The following PRDM16 variants were observed in gnomAD, a reference collection of about 807,000 sequenced individuals.
PRDM16 encodes the protein PR/SET domain 16.
Under a neutral mutation model 110.6 loss-of-function variants are expected in PRDM16, and 23 were observed. The observed-to-expected ratio is 0.21, with a 90% CI of 0.15 to 0.29. The LOEUF is 0.29. PRDM16 is among the 10% of genes least tolerant of loss of function. The pLI is 1.00. For missense variants in PRDM16, 1,615 were observed against 1,794.3 expected (o/e 0.90, Z 1.81); for synonymous variants, 799 against 781.8 (o/e 1.02, Z -0.37).
chr1:3,291,769 T>C (rs1006043193), intron 3 of PRDM16, among the ~76,000 whole-genome samples: 30 of 152,242 alleles, frequency 2.0e-4, no homozygotes, highest in Non-Finnish European at 3.2e-4. Flanking sequence ...GGGGGTTCTG[T>C]GTAAATGCCC....
intron 1 of PRDM16, among the ~76,000 whole-genome samples, chr1:3,145,544 C>A (rs1338700969): frequency 2.0e-5 from 3 of 152,176 alleles, no homozygotes; most frequent in African/African-American, 7.2e-5. Context: ...AGTCCCCTGA[C>A]CCAGCTGCAT....
chr1:3,186,665 C>G lies in PRDM16; in HGVS notation c.387+191C>G, dbSNP rs544330129. The G allele has an allele frequency of 1.1e-5, 6 of 528,414 alleles. No individual in the cohort carries two copies. In the South Asian group the frequency reaches 1.2e-4, roughly 11 times the overall value. 32.7% of individuals were successfully genotyped at this position (528,414 alleles called of 1,614,324 possible). A position where few individuals can be genotyped will look rare whatever the true frequency, so the allele number is the denominator to read the frequency against. ...CGACTCAGAAAGCATCAGAGGTCCT[C>G]GTGGGTGCCTGTCAGCCCTGTAGGC... On this transcript the variant is annotated intron_variant, in intron 2 of 16. Transcript: ENST00000270722.
rs1012869492 is a variant in PRDM16 at position 3,370,582 on chromosome 1, G to T, written c.439-14570G>T. Among the ~76,000 whole-genome samples the T allele has an allele frequency of 2.0e-5, 3 of 152,182 alleles. No individual in the cohort carries two copies. The highest frequency in any genetic ancestry group is 4.8e-5 in the African/African-American group (2 of 41,440). ...TGCGACGTGATAGCCATGGCCCAGTGCAGTGTCCATGCTAAGAAGGGCAGG... is the reference window on the plus strand; with the variant it reads ...TGCGACGTGATAGCCATGGCCCAGTTCAGTGTCCATGCTAAGAAGGGCAGG... On this transcript the variant is annotated intron_variant, in intron 3 of 16. Transcript: ENST00000270722. This position sits in a 1 kb window ranked among gnomAD's most constrained non-coding sequence, Gnocchi z 4.8.
chr1:3,166,870 T>G (rs1643963082), intron 1 of PRDM16, among the ~76,000 whole-genome samples: 1 of 152,168 alleles, frequency 6.6e-6, no homozygotes, highest in East Asian at 1.9e-4. Flanking sequence ...CCTGGTTCAA[T>G]TGCTCTGTCC....
Position 3,394,782 on chromosome 1 carries a change from C to T in PRDM16, c.574-1709C>T, listed in dbSNP as rs554890183. 3.3e-5 allele frequency among the ~76,000 whole-genome samples: 5 copies of T among 152,120 alleles called. No homozygotes were observed. In the South Asian group the frequency reaches 1.0e-3, roughly 32 times the overall value. ...CGCTTCTCATCCCGCACTTTGGGCC[C>T]GATTTTCTAATACAGTGGCTCAAGT... On this transcript the variant is annotated intron_variant, in intron 4 of 16. Transcript: ENST00000270722.
intron 3 of PRDM16, among the ~76,000 whole-genome samples, chr1:3,323,105 G>T (rs1033109220): frequency 2.0e-5 from 3 of 152,220 alleles, no homozygotes; most frequent in Non-Finnish European, 4.4e-5. Flanking sequence ...TGTACTGTGT[G>T]CACTTGGTGC....
intron 2 of PRDM16, among the ~76,000 whole-genome samples, chr1:3,217,538 G>A (rs1639057547): frequency 6.6e-6 from 1 of 152,322 alleles, no homozygotes; most frequent in South Asian, 2.1e-4. Context: ...GAGTGCCTGG[G>A]AGCATAAACT....
Position 3,433,571 on chromosome 1 carries a change from GGGATGGCCCGCCCTGCCCACGCGCTCAC to G in PRDM16, c.3697-105_3697-78del, listed in dbSNP as rs1235445741. 7 of 425,252 alleles carry G rather than the reference GGGATGGCCCGCCCTGCCCACGCGCTCAC, an allele frequency of 1.6e-5. No homozygotes were observed. The East Asian group carries it at 2.9e-4, about 17-fold the overall frequency. The allele number at this position is 425,252 out of a possible 1,614,324, so 26.3% of individuals were successfully genotyped here. A position where few individuals can be genotyped will look rare whatever the true frequency, so the allele number is the denominator to read the frequency against. On this transcript the variant is annotated intron_variant, in intron 16 of 16. Coordinates refer to ENST00000270722, the MANE Select transcript of PRDM16 (RefSeq NM_022114.4). The stretch of plus-strand genomic sequence containing the variant: ...TGCCCACGCGCTCACCTGCCTGTCT[GGGATGGCCCGCCCTGCCCACGCGCTCAC>G]CTGCCTGTCTGGGATGGCCCGCCCT...
chr1:3,075,204 T>G (rs919939142), intron 1 of PRDM16, among the ~76,000 whole-genome samples: 4 of 152,290 alleles, frequency 2.6e-5, no homozygotes, highest in Admixed American at 2.0e-4. Flanking sequence ...GTTAACATTT[T>G]GGGCAGAAAA....
At position 3,323,670 on chromosome 1, in the gene PRDM16, C is replaced by T. The variant is rs531948841; in HGVS notation, c.439-61482C>T. Among the ~76,000 whole-genome samples, 6 of 152,374 alleles carry T rather than the reference C, an allele frequency of 3.9e-5. No individual in the cohort carries two copies. The South Asian group carries it at 1.2e-3, about 32-fold the overall frequency. On this transcript the variant is annotated intron_variant, in intron 3 of 16. Coordinates refer to ENST00000270722, the MANE Select transcript of PRDM16 (RefSeq NM_022114.4). Reference sequence around the variant, plus strand: ...AAAAAGCACCGACAAAGGCGAGGGCCGGTGCTGGGAGCGGCCGCACTTCCC... The same window carrying T: ...AAAAAGCACCGACAAAGGCGAGGGCTGGTGCTGGGAGCGGCCGCACTTCCC...
At chr1:3,102,410 C>T (rs1642554735) in intron 1 of PRDM16, among the ~76,000 whole-genome samples, 1 of 152,072 alleles carries the variant, frequency 6.6e-6, no homozygotes, top group Non-Finnish European at 1.5e-5. Context: ...CTCTGGGGTC[C>T]TCATGGGCTG....
At chr1:3,085,371 G>T (rs920501109) in intron 1 of PRDM16, among the ~76,000 whole-genome samples, 2 of 152,200 alleles carry the variant, frequency 1.3e-5, no homozygotes, top group African/African-American at 4.8e-5. Context: ...GACTACAGGG[G>T]CTCCGAGTCC....
chr1:3,432,299 G>A (rs1365991360), intron 16 of PRDM16, among the ~76,000 whole-genome samples, 159 bp downstream of exon 16: 1 of 152,080 alleles, frequency 6.6e-6, no homozygotes, highest in Non-Finnish European at 1.5e-5. Flanking sequence ...AGCGACCACC[G>A]CCCTCCCGCA....
Position 3,432,153 on chromosome 1 carries a change from C to T in PRDM16, c.3696+13C>T. The T allele has an allele frequency of 6.2e-7, 1 of 1,609,366 alleles. No individual in the cohort carries two copies. Among genetic ancestry groups the T allele is most frequent in the Non-Finnish European group, 8.5e-7 (1 of 1,177,156 alleles). On this transcript the variant is annotated intron_variant, in intron 16 of 16. Coordinates refer to ENST00000270722, the MANE Select transcript of PRDM16 (RefSeq NM_022114.4). Reference sequence around the variant, plus strand: ...GGCTAAGAACCAGGTAGGTACCCGCCAGAGCCCCTCCCCCACCCCACCTGG... The same window carrying T: ...GGCTAAGAACCAGGTAGGTACCCGCTAGAGCCCCTCCCCCACCCCACCTGG...
At chr1:3,197,437 G>A (rs1422472062) in intron 2 of PRDM16, among the ~76,000 whole-genome samples, 1 of 152,192 alleles carries the variant, frequency 6.6e-6, no homozygotes, top group African/African-American at 2.4e-5. Context: ...AGAGGAGCGT[G>A]CCCCATGAGC....
chr1:3,377,270 C>A (rs980012843), intron 3 of PRDM16, among the ~76,000 whole-genome samples: 4 of 152,074 alleles, frequency 2.6e-5, no homozygotes, highest in Non-Finnish European at 4.4e-5. Context: ...GAGACGGGAC[C>A]GAGAGGGCAG....
chr1:3,259,378 A>G (rs1640115123), intron 3 of PRDM16, among the ~76,000 whole-genome samples: 1 of 152,172 alleles, frequency 6.6e-6, no homozygotes, highest in Admixed American at 6.5e-5. Flanking sequence ...AAGTCAGGCC[A>G]TATTGGGCTC....
At chr1:3,281,141 C>T (rs561555777) in intron 3 of PRDM16, among the ~76,000 whole-genome samples, 1 of 152,318 alleles carries the variant, frequency 6.6e-6, no homozygotes, top group Admixed American at 6.5e-5. Flanking sequence ...GAAACTGGGC[C>T]CTAGGAGGAT....
intron 2 of PRDM16, among the ~76,000 whole-genome samples, chr1:3,242,645 G>A (rs537572348): frequency 2.6e-5 from 4 of 152,322 alleles, no homozygotes; most frequent in South Asian, 4.1e-4. Context: ...TCACATTAGC[G>A]CAGGGTGACC....
Sources: allele counts gnomAD v4.1 joint callset (sites outside exome capture counted in the v4.1 genomes callset), GRCh38; gene constraint gnomAD v4.1.1; non-coding constraint Gnocchi (gnomAD v3.1); transcripts MANE v1.5; gene names NCBI Gene and HGNC (gene_info 2026-07-23, HGNC 2026-07-21).